Variants in GRK5 observed in about 807,000 individuals in gnomAD.
The protein encoded by GRK5 is g protein-coupled receptor kinase GRK5.
In GRK5, 40 loss-of-function variants were observed where a neutral mutation model predicts 78.4. The observed-to-expected ratio is 0.51, with a 90% CI of 0.40 to 0.66. The LOEUF is 0.66. GRK5 is among the 30% of genes least tolerant of loss of function. The pLI, the probability that GRK5 is intolerant of heterozygous loss-of-function variation, is 0.00. For missense variants in GRK5, 598 were observed against 759.9 expected (o/e 0.79, Z 2.50); for synonymous variants, 289 against 296.8 (o/e 0.97, Z 0.27).
At chr10:119,275,627 A>T (rs1409030361) in intron 1 of GRK5, among the ~76,000 whole-genome samples, 1 of 151,664 alleles carries the variant, frequency 6.6e-6, no homozygotes, top group African/African-American at 2.4e-5. Context: ...ACACACACAC[A>T]CACACACACA....
intron 2 of GRK5, among the ~76,000 whole-genome samples, chr10:119,330,953 G>A (rs149233732): frequency 5.3e-5 from 8 of 152,232 alleles, no homozygotes; most frequent in Non-Finnish European, 1.2e-4. Flanking sequence ...CTTGGGAGGC[G>A]GAGGTTGATT....
intron 1 of GRK5, among the ~76,000 whole-genome samples, chr10:119,301,205 G>A (rs185177133): frequency 9.6e-4 from 146 of 152,240 alleles, no homozygotes; most frequent in African/African-American, 3.3e-3. Flanking sequence ...CAAGAAGCAC[G>A]TCATCTACAC....
At chr10:119,272,315 G>A (rs1373044513) in intron 1 of GRK5, among the ~76,000 whole-genome samples, 7 of 152,168 alleles carry the variant, frequency 4.6e-5, no homozygotes, top group Non-Finnish European at 8.8e-5. Context: ...GGTGGCTCAC[G>A]CCTGTAATCC....
Position 119,438,629 on chromosome 10 carries a change from C to T in GRK5, c.930-1102C>T, listed in dbSNP as rs183021280. Among the ~76,000 whole-genome samples, 34 of 152,222 alleles carry T rather than the reference C, an allele frequency of 2.2e-4. No individual in the cohort carries two copies. The East Asian group carries it at 5.5e-3, about 25-fold the overall frequency. On this transcript the variant is annotated intron_variant, in intron 9 of 15. Transcript: ENST00000392870. ...AAAGAAAGCCCTCCAAGTTCCAGCT[C>T]GTCTTCTTCCGGGGGAAAGAGAACC...
Position 119,455,573 on chromosome 10 carries a change from G to A in GRK5, c.*506G>A, listed in dbSNP as rs1443294448. On this transcript the variant is annotated 3_prime_UTR_variant, in exon 16 of 16. Transcript: ENST00000392870. ...AAAAATGTGACTCAAGACTTCCAGA[G>A]CCTCAAATGAGAAAATGTCTTTATT... The A allele has an allele frequency of 1.0e-5, 3 of 293,956 alleles. No homozygotes were observed. Among genetic ancestry groups the A allele is most frequent in the Admixed American group, 5.3e-5 (1 of 18,918 alleles). 18.2% of individuals were successfully genotyped at this position (293,956 alleles called of 1,614,324 possible).
rs1853193798 is a variant in GRK5, at chr10:119,448,168, G to A, written c.1312G>A (p.Gly438Arg). ...AKQRLGCQEE[G>R]AAEVKRHPFF... is the part of the protein sequence containing the mutation. ...GCAGAGGCTGGGCTGCCAGGAGGAG[G>A]GGGCTGCAGAGGTCAAGAGACACCC... The change falls in exon 13 of 16, where the codon GGG becomes AGG. Residue 438 changes from glycine (G) to arginine (R), a missense_variant. Physicochemically the swap from Gly to Arg is moderately radical, Grantham distance 125. Transcript: ENST00000392870. 6.4e-7 allele frequency: 1 copy of A among 1,570,238 alleles called. No homozygotes were observed. Among genetic ancestry groups the A allele is most frequent in the South Asian group, 1.2e-5 (1 of 84,306 alleles).
intron 3 of GRK5, among the ~76,000 whole-genome samples, chr10:119,387,234 C>T (rs1461544018): frequency 6.6e-6 from 1 of 152,080 alleles, no homozygotes; most frequent in South Asian, 2.1e-4. Context: ...GAATTCCTGA[C>T]CTCAAGTGAT....
chr10:119,233,166 C>T (rs907444624), intron 1 of GRK5, among the ~76,000 whole-genome samples: 28 of 152,158 alleles, frequency 1.8e-4, no homozygotes, highest in South Asian at 2.1e-4. Context: ...TGGGAGCAGA[C>T]GGTGTCTGTT....
intron 1 of GRK5, among the ~76,000 whole-genome samples, chr10:119,263,423 G>T (rs1849443221): frequency 6.6e-6 from 1 of 152,202 alleles, no homozygotes; most frequent in African/African-American, 2.4e-5. Flanking sequence ...TCACTTGTGT[G>T]TGTGTGCATG....
chr10:119,236,493 C>A (rs148575553), intron 1 of GRK5, among the ~76,000 whole-genome samples: 4 of 152,054 alleles, frequency 2.6e-5, no homozygotes, highest in Non-Finnish European at 5.9e-5. Flanking sequence ...GGATTACAGG[C>A]GTGAGCCACT....
intron 4 of GRK5, among the ~76,000 whole-genome samples, chr10:119,418,294 T>C (rs765105238): frequency 6.6e-6 from 1 of 152,126 alleles, no homozygotes; most frequent in Non-Finnish European, 1.5e-5. Flanking sequence ...CCTCTGTCCC[T>C]CCCCAGCTTC....
At chr10:119,424,067 T>C (rs1852625153) in intron 5 of GRK5, among the ~76,000 whole-genome samples, 1 of 152,138 alleles carries the variant, frequency 6.6e-6, no homozygotes, top group South Asian at 2.1e-4. Context: ...AGGGCCGTCC[T>C]GGGACCAAGC....
chr10:119,248,554 T>G (rs1849150188), intron 1 of GRK5, among the ~76,000 whole-genome samples: 1 of 152,168 alleles, frequency 6.6e-6, no homozygotes, highest in Admixed American at 6.5e-5. Flanking sequence ...ATGTGCCTTG[T>G]GGAGCTTAGA....
At position 119,207,996 on chromosome 10, in the gene GRK5, G is replaced by A. The variant is rs763787681; in HGVS notation, c.52+27G>A. On this transcript the variant is annotated intron_variant, in intron 1 of 15. Coordinates refer to ENST00000392870, the MANE Select transcript of GRK5 (RefSeq NM_005308.3). ...TAAGAGGCAGGGCCGGTACGTGCCCGGCGCGTCCGCCGCGGGCCAGGGTGC... is the reference window on the plus strand; with the variant it reads ...TAAGAGGCAGGGCCGGTACGTGCCCAGCGCGTCCGCCGCGGGCCAGGGTGC... 23 of 1,596,814 alleles carry A rather than the reference G, an allele frequency of 1.4e-5. No homozygotes were observed. The Admixed American group carries it at 1.7e-4, about 12-fold the overall frequency.
chr10:119,304,923 C>A (rs912968115), intron 1 of GRK5, among the ~76,000 whole-genome samples: 1 of 152,128 alleles, frequency 6.6e-6, no homozygotes, highest in African/African-American at 2.4e-5. Context: ...CTCTTTTCTT[C>A]CTCCTTTTCT....
chr10:119,304,309 T>G (rs1405759138), intron 1 of GRK5, among the ~76,000 whole-genome samples: 1 of 84,254 alleles, frequency 1.2e-5, no homozygotes, highest in Non-Finnish European at 2.6e-5. Context: ...TTTTTTTTTT[T>G]GACAGGGTCT....
intron 1 of GRK5, among the ~76,000 whole-genome samples, chr10:119,312,241 A>C (rs1182027624): frequency 6.6e-6 from 1 of 152,210 alleles, no homozygotes; most frequent in African/African-American, 2.4e-5. Flanking sequence ...AAAATGGTTA[A>C]TATTCAGTGA....
In GRK5 at chr10:119,243,490, G is replaced by T. The variant is rs59933224; in HGVS notation, c.52+35521G>T. Among the ~76,000 whole-genome samples, 1,448 of 151,880 alleles carry T rather than the reference G, an allele frequency of 9.5e-3. 20 individuals are homozygous for T. The highest frequency in any genetic ancestry group is 0.032 in the African/African-American group (1,337 of 41,386). ...ATATAATTAGTGTATACAAAAAAGA[G>T]AATTTATGGATTCATATGTCTGGGA... On this transcript the variant is annotated intron_variant, in intron 1 of 15. Coordinates refer to ENST00000392870, the MANE Select transcript of GRK5 (RefSeq NM_005308.3).
chr10:119,241,505 C>T (rs1396941014), intron 1 of GRK5, among the ~76,000 whole-genome samples: 1 of 152,204 alleles, frequency 6.6e-6, no homozygotes, highest in Non-Finnish European at 1.5e-5. Context: ...TTTCAGAACA[C>T]CTTTCACGAA....
Sources: gnomAD v4.1 joint callset for allele counts (sites outside exome capture counted in the v4.1 genomes callset) on GRCh38, gnomAD v4.1.1 for gene constraint, MANE v1.5 for transcripts, NCBI Gene and HGNC (gene_info 2026-07-23, HGNC 2026-07-21) for gene names.